ERC1: variants seen among roughly 807,000 people sequenced by gnomAD.
ERC1 encodes ELKS/RAB6-interacting/CAST family member 1.
ERC1 carries 56 observed loss-of-function variants against 132.0 expected under a neutral mutation model. That is an observed-to-expected ratio of 0.42 (90% CI 0.34 to 0.53). The LOEUF (loss-of-function observed/expected upper bound fraction) is 0.53, where lower values mean the gene tolerates loss of function less well. Among genes scored for constraint, ERC1 ranks in the 20% least tolerant of loss-of-function variants. ERC1 has a pLI of 0.03. For missense variants in ERC1, 1,202 were observed against 1,349.9 expected, an observed-to-expected ratio of 0.89 and a Z score of 1.72; for synonymous variants, 478 against 476.1, an observed-to-expected ratio of 1.00 and a Z score of -0.05.
At chr12:1,440,501 C>T (rs113620023) in intron 17 of ERC1, among the ~76,000 whole-genome samples, 31,234 of 140,758 alleles carry the variant, frequency 0.22, 5,946 homozygotes, top group African/African-American at 0.53. Context: ...CCACCGCGCC[C>T]GGCCTTTTTT....
intron 17 of ERC1, among the ~76,000 whole-genome samples, chr12:1,409,492 T>C (rs2154395076): frequency 6.6e-6 from 1 of 152,178 alleles, no homozygotes; most frequent in East Asian, 1.9e-4. Flanking sequence ...ACTTGGTAAT[T>C]TTGCCCAGAT....
intron 12 of ERC1, among the ~76,000 whole-genome samples, chr12:1,218,410 G>T (rs568657987): frequency 3.3e-5 from 5 of 151,982 alleles, no homozygotes; most frequent in African/African-American, 1.2e-4. Context: ...AAAAAAAATC[G>T]TTCTCTTGAT....
intron 15 of ERC1, among the ~76,000 whole-genome samples, chr12:1,338,852 A>T (rs1210671716): frequency 1.3e-5 from 2 of 152,032 alleles, no homozygotes; most frequent in African/African-American, 4.8e-5. Context: ...GTGTGCTCTA[A>T]CTTTGGGGGA....
intron 8 of ERC1, among the ~76,000 whole-genome samples, chr12:1,151,459 G>C (rs1950830212): frequency 6.6e-6 from 1 of 152,184 alleles, no homozygotes; most frequent in African/African-American, 2.4e-5. Context: ...ATCTAAGAAA[G>C]ACTCAATGCA....
At chr12:1,000,499 A>AT (rs1023543657) in intron 1 of ERC1, among the ~76,000 whole-genome samples, 2 of 151,976 alleles carry the variant, frequency 1.3e-5, no homozygotes, top group African/African-American at 4.8e-5. Flanking sequence ...AAAAAAAAAA[A>AT]AAATAACCCA....
intron 11 of ERC1, among the ~76,000 whole-genome samples, chr12:1,187,686 G>A (rs1394334972): frequency 6.6e-6 from 1 of 152,174 alleles, no homozygotes; most frequent in Non-Finnish European, 1.5e-5. Flanking sequence ...CCTATGGGCT[G>A]TTTTAAATCA....
At position 1,104,246 on chromosome 12, in the gene ERC1, A is replaced by G. The variant is rs186153632; in HGVS notation, c.1087-504A>G. Among the ~76,000 whole-genome samples the G allele has an allele frequency of 2.5e-4, 38 of 152,182 alleles. No individual in the cohort carries two copies. The East Asian group carries it at 6.9e-3, about 28-fold the overall frequency. On this transcript the variant is annotated intron_variant, in intron 3 of 18. Transcript: ENST00000360905. ...GTAGCACCACTAGAGAGCGAGCTTC[A>G]TCGTAGGTAACCAGGTGGTGGTTAT... is the stretch of plus-strand genomic sequence containing the variant.
At position 1,289,737 on chromosome 12, in the gene ERC1, C is replaced by T. The variant is rs534240107; in HGVS notation, c.2620-115C>T. On this transcript the variant is annotated intron_variant, in intron 14 of 18. Transcript: ENST00000360905. ...TGATCCAGAAAGAGTACAGAATTTT[C>T]AATGTGTTCCTGCGTCTCTTCAATT... 1.1e-4 allele frequency: 79 copies of T among 716,530 alleles called. 1 individual carries two copies. In the South Asian group the frequency reaches 1.3e-3, roughly 12 times the overall value. The allele number at this position is 716,530 out of a possible 1,614,324, so 44.4% of individuals were successfully genotyped here.
At chr12:1,007,866 A>G (rs529763376) in intron 1 of ERC1, among the ~76,000 whole-genome samples, 2 of 152,256 alleles carry the variant, frequency 1.3e-5, no homozygotes, top group African/African-American at 4.8e-5. Context: ...ATTCAAGCAG[A>G]AAATAATATC....
intron 12 of ERC1, among the ~76,000 whole-genome samples, chr12:1,193,510 A>G (rs1036111177): frequency 6.6e-5 from 10 of 151,980 alleles, no homozygotes; most frequent in Non-Finnish European, 1.2e-4. Flanking sequence ...ACAAGCATAC[A>G]TATATTATGA....
At chr12:1,314,352 G>T (rs887742888) in intron 15 of ERC1, among the ~76,000 whole-genome samples, 1 of 152,040 alleles carries the variant, frequency 6.6e-6, no homozygotes, top group African/African-American at 2.4e-5. Flanking sequence ...GACAAAAGAA[G>T]ATTAAATTTA....
intron 12 of ERC1, among the ~76,000 whole-genome samples, chr12:1,233,470 CAAAAA>C (rs60542316): frequency 1.1e-4 from 8 of 71,502 alleles, no homozygotes; most frequent in African/African-American, 4.1e-4. Flanking sequence ...GACCCTGTCT[CAAAAA>C]AAAAAAAAAA....
chr12:1,016,472 G>A (rs1335159741), intron 1 of ERC1, among the ~76,000 whole-genome samples: 3 of 152,128 alleles, frequency 2.0e-5, no homozygotes, highest in Non-Finnish European at 4.4e-5. Context: ...GTAGCTATTT[G>A]TGGGAAGAGT....
At chr12:1,184,715 T>A (rs1384092758) in intron 11 of ERC1, among the ~76,000 whole-genome samples, 1 of 152,232 alleles carries the variant, frequency 6.6e-6, no homozygotes, top group Non-Finnish European at 1.5e-5. Context: ...GAGGAAAGGA[T>A]TGAAACTCAA....
chr12:1,145,873 G>T (rs1304324814), intron 8 of ERC1, among the ~76,000 whole-genome samples: 1 of 152,148 alleles, frequency 6.6e-6, no homozygotes, highest in Non-Finnish European at 1.5e-5. Context: ...TCAAAGATCA[G>T]TTGGCAGTAA....
chr12:1,131,359 G>A (rs562555670), intron 7 of ERC1, among the ~76,000 whole-genome samples: 22 of 152,292 alleles, frequency 1.4e-4, no homozygotes, highest in Non-Finnish European at 1.0e-4. Context: ...GGAATGATAG[G>A]AAACAAGCCA....
At position 1,491,367 on chromosome 12, in the gene ERC1, C is replaced by T; in HGVS notation, c.*1137C>T. On this transcript the variant is annotated 3_prime_UTR_variant, in exon 19 of 19. Transcript: ENST00000360905. Reference sequence around the variant, plus strand: ...TCTTCTAGCATAAATGAAGGTTTTTCCTCCTACACACATTCCTTCCTCGGT... The same window carrying T: ...TCTTCTAGCATAAATGAAGGTTTTTTCTCCTACACACATTCCTTCCTCGGT... 2 of 231,174 alleles carry T rather than the reference C, an allele frequency of 8.7e-6. No individual in the cohort carries two copies. Among genetic ancestry groups the T allele is most frequent in the East Asian group, 1.2e-4 (2 of 16,308 alleles). The allele number at this position is 231,174 out of a possible 1,614,324, so 14.3% of individuals were successfully genotyped here. A position where few individuals can be genotyped will look rare whatever the true frequency, so the allele number is the denominator to read the frequency against.
At chr12:1,118,527 G>A (rs1467283809) in intron 7 of ERC1, among the ~76,000 whole-genome samples, 2 of 152,158 alleles carry the variant, frequency 1.3e-5, no homozygotes, top group African/African-American at 4.8e-5. Flanking sequence ...AGTTACTAGG[G>A]CCACTGCGCA....
intron 12 of ERC1, among the ~76,000 whole-genome samples, chr12:1,208,012 T>G (rs937048220): frequency 1.3e-5 from 2 of 152,198 alleles, no homozygotes; most frequent in South Asian, 4.1e-4. Context: ...ACGTCTGATT[T>G]CTGATTACAG....
Sources: allele counts gnomAD v4.1 joint callset (sites outside exome capture counted in the v4.1 genomes callset), GRCh38; gene constraint gnomAD v4.1.1; transcripts MANE v1.5; gene names NCBI Gene and HGNC (gene_info 2026-07-23, HGNC 2026-07-21).